The following BABAM2 variants were observed in gnomAD, a reference collection of about 807,000 sequenced individuals.
BABAM2 encodes the protein BRISC and BRCA1 A complex member 2.
Under a neutral mutation model 54.7 loss-of-function variants are expected in BABAM2, and 31 were observed. That is an observed-to-expected ratio of 0.57 (90% CI 0.43 to 0.77). The LOEUF is 0.77. Among genes scored for constraint, BABAM2 ranks in the 30% least tolerant of loss-of-function variants. The pLI, the probability that BABAM2 is intolerant of heterozygous loss-of-function variation, is 0.00. For missense variants in BABAM2, 364 were observed against 455.8 expected (o/e 0.80, Z 1.83); for synonymous variants, 167 against 162.9 (o/e 1.03, Z -0.19).
At chr2:28,211,418 G>A (rs1051151231) in intron 7 of BABAM2, among the ~76,000 whole-genome samples, 6 of 83,020 alleles carry the variant, frequency 7.2e-5, no homozygotes, top group South Asian at 3.4e-4. Context: ...AAAGAGTTTC[G>A]CTCTTGTTGC....
chr2:28,211,386 C>CTTTTTTTTTTT lies in BABAM2; in HGVS notation c.681-25808_681-25798dup, dbSNP rs770284745. On this transcript the variant is annotated intron_variant, in intron 7 of 11. Transcript: ENST00000379624. ...CCATGTATAGTTCCTTCCTTATTAT[C>CTTTTTTTTTTT]TTTTTTTTTTTTTTTTTTGAGAAAG... 7.5e-4 allele frequency among the ~76,000 whole-genome samples: 73 copies of CTTTTTTTTTTT among 96,888 alleles called. 3 individuals are homozygous for CTTTTTTTTTTT. Among genetic ancestry groups the CTTTTTTTTTTT allele is most frequent in the Middle Eastern group, 9.1e-3 (1 of 110 alleles). 63.6% of individuals were successfully genotyped at this position (96,888 alleles called of 152,430 possible). A position where few individuals can be genotyped will look rare whatever the true frequency, so the allele number is the denominator to read the frequency against.
At chr2:28,112,699 T>A (rs1414193208) in intron 6 of BABAM2, among the ~76,000 whole-genome samples, 1 of 152,214 alleles carries the variant, frequency 6.6e-6, no homozygotes, top group East Asian at 1.9e-4. Context: ...GTAAAATGAT[T>A]TATAATCCTT....
At chr2:28,035,647 A>G (rs1269134318) in intron 5 of BABAM2, among the ~76,000 whole-genome samples, 1 of 152,194 alleles carries the variant, frequency 6.6e-6, no homozygotes, top group Admixed American at 6.5e-5. Context: ...GAACCATGAC[A>G]GTGTCTCCCT....
chr2:28,224,851 C>CAAAAA lies in BABAM2; in HGVS notation c.681-12332_681-12328dup, dbSNP rs754146418. ...AACAAGTCCAAAAACGGTAAATTGA[C>CAAAAA]AAAAAAAAAAAAAAAAAAAAAAATC... On this transcript the variant is annotated intron_variant, in intron 7 of 11. Transcript: ENST00000379624. Among the ~76,000 whole-genome samples, 672 of 83,894 alleles carry CAAAAA rather than the reference C, an allele frequency of 8.0e-3. 5 individuals are homozygous for CAAAAA. The highest frequency in any genetic ancestry group is 0.026 in the African/African-American group (628 of 24,300). 55.0% of individuals were successfully genotyped at this position (83,894 alleles called of 152,430 possible). A position where few individuals can be genotyped will look rare whatever the true frequency, so the allele number is the denominator to read the frequency against.
intron 6 of BABAM2, among the ~76,000 whole-genome samples, chr2:28,095,434 T>A (rs1257850890): frequency 6.6e-6 from 1 of 152,218 alleles, no homozygotes; most frequent in African/African-American, 2.4e-5. Context: ...CCATTGTAGG[T>A]CTAATACCTA....
intron 7 of BABAM2, among the ~76,000 whole-genome samples, chr2:28,193,733 C>T (rs1049024729): frequency 6.6e-6 from 1 of 152,200 alleles, no homozygotes; most frequent in Non-Finnish European, 1.5e-5. Context: ...AAACTGATCA[C>T]ACTATGGCCA....
chr2:28,171,014 C>T (rs1432863666), intron 7 of BABAM2, among the ~76,000 whole-genome samples: 1 of 152,120 alleles, frequency 6.6e-6, no homozygotes, highest in Non-Finnish European at 1.5e-5. Flanking sequence ...GTTATGTATG[C>T]GTGTCCTTCT....
At chr2:28,337,489 C>T (rs1018178174) in intron 11 of BABAM2, among the ~76,000 whole-genome samples, 4 of 152,138 alleles carry the variant, frequency 2.6e-5, no homozygotes, top group African/African-American at 9.6e-5. Context: ...GTGGGCTCGG[C>T]GGGTGCACAT....
chr2:28,109,050 T>G (rs1667763037), intron 6 of BABAM2, among the ~76,000 whole-genome samples: 1 of 152,168 alleles, frequency 6.6e-6, no homozygotes, highest in South Asian at 2.1e-4. Flanking sequence ...CAAATGAATC[T>G]TTCTCCTGCA....
At chr2:28,288,858 A>G (rs1047373315) in intron 10 of BABAM2, among the ~76,000 whole-genome samples, 8 of 151,824 alleles carry the variant, frequency 5.3e-5, no homozygotes, top group Non-Finnish European at 5.9e-5. Context: ...AGCATGCTCA[A>G]CTGAAGTTGC....
chr2:28,050,031 G>A (rs931086356), intron 6 of BABAM2, among the ~76,000 whole-genome samples: 1 of 152,168 alleles, frequency 6.6e-6, no homozygotes, highest in African/African-American at 2.4e-5. Flanking sequence ...CAATACAATA[G>A]GAAATGGTAG....
Position 28,090,778 on chromosome 2 carries a change from G to A in BABAM2, c.571-38493G>A, listed in dbSNP as rs115545862. Among the ~76,000 whole-genome samples, 1,159 of 152,258 alleles carry A rather than the reference G, an allele frequency of 7.6e-3. 14 individuals are homozygous for A. The highest frequency in any genetic ancestry group is 0.027 in the African/African-American group (1,121 of 41,560). ...CAACCAAAGGGCCCAGGGGTTAGTA[G>A]CGTTATTTTGTTCTCTGCTTTAGAG... On this transcript the variant is annotated intron_variant, in intron 6 of 11. Coordinates refer to ENST00000379624, the MANE Select transcript of BABAM2 (RefSeq NM_199191.3).
chr2:28,331,176 A>G (rs1330301012), intron 11 of BABAM2, among the ~76,000 whole-genome samples: 1 of 152,212 alleles, frequency 6.6e-6, no homozygotes, highest in African/African-American at 2.4e-5. Context: ...TTAACTCAAG[A>G]TGGATTAAAG....
intron 2 of BABAM2, chr2:27,896,498 A>G (rs1665335286): frequency 4.6e-5 from 7 of 152,352 alleles, no homozygotes; most frequent in Non-Finnish European, 1.5e-5. Flanking sequence ...TGGCAGCCAG[A>G]TGTACCAATA....
intron 6 of BABAM2, among the ~76,000 whole-genome samples, chr2:28,091,697 C>A (rs1666170430): frequency 6.6e-6 from 1 of 152,166 alleles, no homozygotes; most frequent in African/African-American, 2.4e-5. Flanking sequence ...ACAATCCTTT[C>A]TTCCTTGTCT....
chr2:27,933,713 T>G (rs912833030), intron 3 of BABAM2, among the ~76,000 whole-genome samples: 2 of 151,496 alleles, frequency 1.3e-5, no homozygotes, highest in African/African-American at 4.9e-5. Flanking sequence ...TCTGCCTGCT[T>G]CAGCCTCCCA....
chr2:28,040,881 G>T (rs1677047050), intron 5 of BABAM2, among the ~76,000 whole-genome samples: 1 of 152,156 alleles, frequency 6.6e-6, no homozygotes, highest in African/African-American at 2.4e-5. Context: ...GTGTAAATCA[G>T]CCTGTTGCCA....
At chr2:27,916,137 T>G (rs1666950485) in intron 2 of BABAM2, among the ~76,000 whole-genome samples, 1 of 152,190 alleles carries the variant, frequency 6.6e-6, no homozygotes, top group Non-Finnish European at 1.5e-5. Flanking sequence ...AGGTAAATAC[T>G]CCTTAGGCCT....
At chr2:28,072,256 T>G (rs942368181) in intron 6 of BABAM2, among the ~76,000 whole-genome samples, 41 of 152,136 alleles carry the variant, frequency 2.7e-4, no homozygotes, top group African/African-American at 9.6e-4. Flanking sequence ...TACTGCAACC[T>G]TCGCCTCCCG....
Sources: gnomAD v4.1 joint callset for allele counts (sites outside exome capture counted in the v4.1 genomes callset) on GRCh38, gnomAD v4.1.1 for gene constraint, MANE v1.5 for transcripts, NCBI Gene and HGNC (gene_info 2026-07-23, HGNC 2026-07-21) for gene names.